TNS1: variants seen among roughly 807,000 people sequenced by gnomAD.
TNS1 encodes tensin 1, also known as tensin-1.
TNS1 carries 62 observed loss-of-function variants against 168.6 expected under a neutral mutation model. That is an observed-to-expected ratio of 0.37 (90% CI 0.30 to 0.45). The LOEUF (loss-of-function observed/expected upper bound fraction) is 0.45, where lower values mean the gene tolerates loss of function less well. TNS1 is among the 20% of genes least tolerant of loss of function. The pLI is 1.00. For missense variants in TNS1, 2,240 were observed against 2,339.4 expected (o/e 0.96, Z 0.88); for synonymous variants, 934 against 933.2 (o/e 1.00, Z -0.02).
At chr2:217,959,425 G>A (rs1957441584) in intron 3 of TNS1, among the ~76,000 whole-genome samples, 1 of 151,586 alleles carries the variant, frequency 6.6e-6, no homozygotes, top group African/African-American at 2.4e-5. Flanking sequence ...ATGGAACCTG[G>A]TGCCTTAGCA....
intron 3 of TNS1, among the ~76,000 whole-genome samples, chr2:217,940,502 C>A (rs1340385455): frequency 2.0e-5 from 3 of 152,210 alleles, no homozygotes; most frequent in Admixed American, 6.5e-5. Context: ...CGATCCTTCC[C>A]TGCACAACCC....
intron 1 of TNS1, among the ~76,000 whole-genome samples, chr2:218,022,155 G>A (rs1958811035): frequency 6.6e-6 from 1 of 152,178 alleles, no homozygotes; most frequent in African/African-American, 2.4e-5. Context: ...TGAGCTGGAG[G>A]AGGAGAGGGG....
At chr2:218,027,640 C>T (rs917726101) in intron 1 of TNS1, among the ~76,000 whole-genome samples, 2 of 152,126 alleles carry the variant, frequency 1.3e-5, no homozygotes, top group South Asian at 2.1e-4. Flanking sequence ...CTCTGCCTCC[C>T]GCACTGACTT....
chr2:217,947,085 AG>A (rs1240781125), intron 3 of TNS1, among the ~76,000 whole-genome samples: 1 of 151,642 alleles, frequency 6.6e-6, no homozygotes, highest in Non-Finnish European at 1.5e-5. Context: ...CAGGGTTCCC[AG>A]GGTCTCCACC....
At chr2:217,922,383 G>C (rs1465774036) in intron 3 of TNS1, among the ~76,000 whole-genome samples, 1 of 152,134 alleles carries the variant, frequency 6.6e-6, no homozygotes, top group African/African-American at 2.4e-5. Context: ...TCAGTCCTGG[G>C]GGAGGGAGTA....
At chr2:217,952,497 C>A (rs891334453) in intron 3 of TNS1, among the ~76,000 whole-genome samples, 1 of 152,216 alleles carries the variant, frequency 6.6e-6, no homozygotes, top group Non-Finnish European at 1.5e-5. Context: ...CAAAAGCCAG[C>A]AGCAGCCTGC....
rs185579546 is a variant in TNS1 at position 217,970,191 on chromosome 2, C to T, written c.186+8574G>A. The stretch of plus-strand genomic sequence containing the variant: ...GCCCCTGCAGGTTTCAGAGGGAGCA[C>T]AGGCCTGCCAACACCTTGATTTTTG... On this transcript the variant is annotated intron_variant, in intron 3 of 32. Coordinates refer to ENST00000682258, the MANE Select transcript of TNS1 (RefSeq NM_001387777.1). Among the ~76,000 whole-genome samples, 255 of 152,344 alleles carry T rather than the reference C, an allele frequency of 1.7e-3. 3 individuals carry two copies. The highest frequency in any genetic ancestry group is 0.016 in the Admixed American group (238 of 15,304).
intron 19 of TNS1, 83 bp downstream of exon 19, chr2:217,847,427 G>A (rs1336439401): frequency 7.8e-7 from 1 of 1,288,398 alleles, no homozygotes. Flanking sequence ...CATCTGCTTA[G>A]GGGTCATGGC....
chr2:218,015,611 G>A (rs6740675), intron 1 of TNS1, among the ~76,000 whole-genome samples: 80,373 of 151,822 alleles, frequency 0.53, 22,142 homozygotes, highest in Middle Eastern at 0.66. Flanking sequence ...TCAGACCCTC[G>A]CAGCTCATTA....
At chr2:217,952,866 C>T (rs1234844078) in intron 3 of TNS1, among the ~76,000 whole-genome samples, 1 of 152,206 alleles carries the variant, frequency 6.6e-6, no homozygotes, top group African/African-American at 2.4e-5. Flanking sequence ...CCAATCAAGG[C>T]TCACAAAATG....
Position 217,893,556 on chromosome 2 carries a change from C to A in TNS1, c.600G>T (p.Leu200=). Residue 200 remains leucine (L), a synonymous_variant, in exon 10 of 33, where the codon CTG becomes CTT. Coordinates refer to ENST00000682258, the MANE Select transcript of TNS1 (RefSeq NM_001387777.1). ...TGTGGAGGTCGGGCCAGCCAAATTC[C>A]AGTACCTGTGGCCCAAGCCATGAGT... ...PDITKLHAKV[L]EFGWPDLHTP... 2 of 1,609,494 alleles carry A rather than the reference C, an allele frequency of 1.2e-6. 1 individual carries two copies. The highest frequency in any genetic ancestry group is 2.2e-5 in the South Asian group (2 of 90,320).
intron 3 of TNS1, among the ~76,000 whole-genome samples, chr2:217,940,782 A>T (rs1475774039): frequency 1.3e-5 from 2 of 152,090 alleles, no homozygotes; most frequent in African/African-American, 2.4e-5. Flanking sequence ...TGGCTGGTGT[A>T]GGAAGGATGG....
At chr2:218,003,388 C>T (rs963318766), upstream of TNS1, among the ~76,000 whole-genome samples, 2 of 152,122 alleles carry the variant, frequency 1.3e-5, no homozygotes, top group African/African-American at 4.8e-5. Context: ...CAGGCCCACA[C>T]AATCAGCACA....
intron 18 of TNS1, chr2:217,859,367 C>T (rs922240288): frequency 4.7e-6 from 2 of 424,896 alleles, no homozygotes; most frequent in Non-Finnish European, 8.3e-6. Context: ...TCTCTCTCCC[C>T]CTTTCCCCTC....
chr2:217,960,389 C>G (rs1372789376), intron 3 of TNS1, among the ~76,000 whole-genome samples: 1 of 152,156 alleles, frequency 6.6e-6, no homozygotes, highest in African/African-American at 2.4e-5. Context: ...ATGCCTCTGA[C>G]AGTGGAGGGC....
chr2:218,002,621 C>T (rs1039705732), intron 1 of TNS1, among the ~76,000 whole-genome samples: 6 of 152,006 alleles, frequency 3.9e-5, no homozygotes, highest in Admixed American at 6.6e-5. Flanking sequence ...TGTACTGACC[C>T]GGGACCCTGG....
intron 3 of TNS1, among the ~76,000 whole-genome samples, chr2:217,943,242 G>A (rs1202771395): frequency 1.3e-5 from 2 of 152,172 alleles, no homozygotes; most frequent in East Asian, 3.9e-4. Flanking sequence ...AAGGGAGCAG[G>A]GCCCACACTG....
chr2:217,885,857 T>C (rs1258428174), intron 14 of TNS1, 38 bp from the exon 15 acceptor site: 1 of 1,608,004 alleles, frequency 6.2e-7, no homozygotes, highest in Non-Finnish European at 8.5e-7. Flanking sequence ...AGTGGGCTGC[T>C]GGAGGGGAGA....
At chr2:217,993,031 A>G (rs1237872495) in intron 1 of TNS1, among the ~76,000 whole-genome samples, 2 of 152,248 alleles carry the variant, frequency 1.3e-5, no homozygotes, top group Admixed American at 1.3e-4. Context: ...ATATACAAAT[A>G]CTTACCACCT....
Sources: gnomAD v4.1 joint callset for allele counts (sites outside exome capture counted in the v4.1 genomes callset) on GRCh38, gnomAD v4.1.1 for gene constraint, MANE v1.5 for transcripts, NCBI Gene and HGNC (gene_info 2026-07-23, HGNC 2026-07-21) for gene names.